The following NAV1 variants were observed in gnomAD, a reference collection of about 807,000 sequenced individuals.
The protein encoded by NAV1 is pore membrane and/or filament interacting like protein 3.
In NAV1, 18 loss-of-function variants were observed where a neutral mutation model predicts 175.2. The ratio of observed to expected loss-of-function variants is 0.10; its 90% CI spans 0.07 to 0.15. The LOEUF (loss-of-function observed/expected upper bound fraction) is 0.15, where lower values mean the gene tolerates loss of function less well. NAV1 is among the 10% of genes least tolerant of loss of function. NAV1 has a pLI of 1.00. For missense variants in NAV1, 1,731 were observed against 2,436.6 expected (o/e 0.71, Z 6.10); for synonymous variants, 897 against 978.7 (o/e 0.92, Z 1.56).
At chr1:201,558,180 A>G (rs1429142666) in intron 1 of NAV1, among the ~76,000 whole-genome samples, 1 of 152,228 alleles carries the variant, frequency 6.6e-6, no homozygotes, top group Non-Finnish European at 1.5e-5. Flanking sequence ...AAGGCAGATA[A>G]ACTTATTTAA....
intron 3 of NAV1, among the ~76,000 whole-genome samples, chr1:201,772,635 G>T (rs1380798341): frequency 2.6e-5 from 4 of 152,152 alleles, no homozygotes. Context: ...CTCTGTCATG[G>T]ATTTATTTCA....
Position 201,744,590 on chromosome 1 carries a change from G to A in NAV1, c.1226+25835G>A, listed in dbSNP as rs181585370. ...TGCAGTCTGGTTGAGGAGGCAGAAG[G>A]CAGCAAGTAACTGTGATACCAGGTC... On this transcript the variant is annotated intron_variant, in intron 3 of 29. Transcript: ENST00000367296. 2.8e-3 allele frequency among the ~76,000 whole-genome samples: 423 copies of A among 152,258 alleles called. 2 individuals are homozygous for A. Among genetic ancestry groups the A allele is most frequent in the African/African-American group, 9.4e-3 (390 of 41,552 alleles).
At chr1:201,554,544 G>C (rs1428034189) in intron 1 of NAV1, among the ~76,000 whole-genome samples, 1 of 152,224 alleles carries the variant, frequency 6.6e-6, no homozygotes, top group Non-Finnish European at 1.5e-5. Context: ...AGGAAAGGAA[G>C]AGCCGTGGGA....
chr1:201,623,399 G>A, exon 1 of NAV1: 1 of 985,892 alleles, frequency 1.0e-6, no homozygotes, highest in African/African-American at 1.7e-5. Flanking sequence ...AGCTGCCCAG[G>A]AAAAGACCAA....
chr1:201,714,099 T>C (rs1193449879), intron 2 of NAV1, among the ~76,000 whole-genome samples: 2 of 152,128 alleles, frequency 1.3e-5, no homozygotes, highest in African/African-American at 4.8e-5. Flanking sequence ...TTAGTAGAGA[T>C]GGGGTTTCAC....
At chr1:201,821,535 C>T in exon 30 of NAV1, 1 of 95,488 alleles carries the variant, frequency 1.0e-5, no homozygotes, top group Non-Finnish European at 2.7e-5. Flanking sequence ...CACACACACA[C>T]ACACACACAC....
intron 1 of NAV1, among the ~76,000 whole-genome samples, chr1:201,628,178 A>C (rs890676388): frequency 1.3e-5 from 2 of 150,216 alleles, no homozygotes; most frequent in African/African-American, 2.5e-5. Flanking sequence ...GTACATGGCG[A>C]TTGTCCCCAT....
chr1:201,804,867 C>G (rs1160647560), intron 17 of NAV1, among the ~76,000 whole-genome samples: 2 of 152,130 alleles, frequency 1.3e-5, no homozygotes, highest in Non-Finnish European at 2.9e-5. Flanking sequence ...ACCTAGAGAC[C>G]CAACATGGAA....
intron 3 of NAV1, among the ~76,000 whole-genome samples, chr1:201,769,550 T>C (rs1182478430): frequency 6.6e-6 from 1 of 152,232 alleles, no homozygotes; most frequent in Non-Finnish European, 1.5e-5. Flanking sequence ...AGTCTGGCTT[T>C]TTTTCATGAT....
chr1:201,717,100 A>G (rs1017012177), intron 2 of NAV1, among the ~76,000 whole-genome samples: 1 of 152,106 alleles, frequency 6.6e-6, no homozygotes, highest in African/African-American at 2.4e-5. Flanking sequence ...AGAAAATAAG[A>G]CCGTATTTTC....
In NAV1 at chr1:201,626,545, G is replaced by C. The variant is rs187012936; in HGVS notation, c.-100-2859G>C. ...GGACCCAGAGAAGGTGCAATCCCCT[G>C]TCCGCTCTCAGGAGACCCTGGTCTC... is the stretch of plus-strand genomic sequence containing the variant. On this transcript the variant is annotated intron_variant, in intron 1 of 29. Transcript: ENST00000367302. Among the ~76,000 whole-genome samples the C allele has an allele frequency of 8.1e-4, 124 of 152,222 alleles. 1 individual carries two copies. Among genetic ancestry groups the C allele is most frequent in the African/African-American group, 2.8e-3 (116 of 41,514 alleles).
intron 1 of NAV1, among the ~76,000 whole-genome samples, chr1:201,570,383 C>T (rs1666496578): frequency 6.6e-6 from 1 of 152,246 alleles, no homozygotes; most frequent in Admixed American, 6.5e-5. Flanking sequence ...TCACCACCCC[C>T]AACCCTTGCC....
intron 1 of NAV1, among the ~76,000 whole-genome samples, chr1:201,588,305 A>T (rs963317607): frequency 6.6e-6 from 1 of 152,180 alleles, no homozygotes; most frequent in Non-Finnish European, 1.5e-5. Flanking sequence ...AAAAAGCCAT[A>T]CACAAAAGCC....
At chr1:201,689,066 C>T (rs1463391182) in intron 1 of NAV1, among the ~76,000 whole-genome samples, 3 of 152,112 alleles carry the variant, frequency 2.0e-5, no homozygotes, top group South Asian at 2.1e-4. Flanking sequence ...GCAGTTAATC[C>T]CAGCACACAC....
At chr1:201,743,348 T>G (rs936696598) in intron 3 of NAV1, among the ~76,000 whole-genome samples, 1 of 152,248 alleles carries the variant, frequency 6.6e-6, no homozygotes, top group African/African-American at 2.4e-5. Flanking sequence ...GTGAAAATTA[T>G]AATTGCCACC....
intron 8 of NAV1, among the ~76,000 whole-genome samples, chr1:201,785,756 T>G (rs1370912489): frequency 6.6e-6 from 1 of 151,064 alleles, no homozygotes; most frequent in African/African-American, 2.4e-5. Flanking sequence ...CTGACAGCAC[T>G]GAGTTGTTCA....
At chr1:201,667,611 G>A (rs1669878061) in intron 1 of NAV1, among the ~76,000 whole-genome samples, 1 of 152,208 alleles carries the variant, frequency 6.6e-6, no homozygotes, top group South Asian at 2.1e-4. Context: ...GGAGGAGGAT[G>A]CGCTGCCTAT....
At chr1:201,700,960 G>A (rs1354683469) in intron 1 of NAV1, among the ~76,000 whole-genome samples, 5 of 119,240 alleles carry the variant, frequency 4.2e-5, no homozygotes, top group East Asian at 2.8e-4. Context: ...GTAGTGAGCC[G>A]AGATCCTGCC....
At chr1:201,657,299 G>A (rs567548839) in intron 1 of NAV1, among the ~76,000 whole-genome samples, 3 of 152,270 alleles carry the variant, frequency 2.0e-5, no homozygotes, top group Admixed American at 2.0e-4. Context: ...TTCCAGGAAA[G>A]CACTCATTAT....
Sources: allele counts gnomAD v4.1 joint callset (sites outside exome capture counted in the v4.1 genomes callset), GRCh38; gene constraint gnomAD v4.1.1; transcripts MANE v1.5; gene names NCBI Gene and HGNC (gene_info 2026-07-23, HGNC 2026-07-21).